SEMA5A: variants seen among roughly 807,000 people sequenced by gnomAD.
The protein encoded by SEMA5A is semaphorin-5A.
SEMA5A carries 55 observed loss-of-function variants against 135.5 expected under a neutral mutation model. The ratio of observed to expected loss-of-function variants is 0.41; its 90% CI spans 0.33 to 0.51. The LOEUF (loss-of-function observed/expected upper bound fraction) is 0.51. Among genes scored for constraint, SEMA5A ranks in the 20% least tolerant of loss-of-function variants. The pLI, the probability that SEMA5A is intolerant of heterozygous loss-of-function variation, is 0.37. For synonymous variants in SEMA5A, 580 were observed against 546.5 expected (o/e 1.06, Z -0.85); for missense variants, 1,290 against 1,419.9 (o/e 0.91, Z 1.47).
At chr5:9,504,057 A>G (rs1735732565) in intron 1 of SEMA5A, among the ~76,000 whole-genome samples, 1 of 152,006 alleles carries the variant, frequency 6.6e-6, no homozygotes, top group Non-Finnish European at 1.5e-5. Context: ...TCTAATAAAA[A>G]TACAAAAATT....
intron 8 of SEMA5A, among the ~76,000 whole-genome samples, chr5:9,203,364 T>C (rs1745827183): frequency 6.6e-6 from 1 of 152,198 alleles, no homozygotes; most frequent in Non-Finnish European, 1.5e-5. Flanking sequence ...TTGGGGCAAT[T>C]CAATTGGCCT....
At chr5:9,473,699 G>A (rs569889238) in intron 1 of SEMA5A, among the ~76,000 whole-genome samples, 1 of 152,268 alleles carries the variant, frequency 6.6e-6, no homozygotes, top group South Asian at 2.1e-4. Context: ...CTTAGGGAAC[G>A]TGGTGTGCAT....
chr5:9,228,655 C>G (rs756401826), intron 6 of SEMA5A, among the ~76,000 whole-genome samples: 2 of 152,230 alleles, frequency 1.3e-5, no homozygotes, highest in Non-Finnish European at 2.9e-5. Context: ...GAAGTCACTT[C>G]CATAACTCAG....
intron 5 of SEMA5A, among the ~76,000 whole-genome samples, chr5:9,264,080 G>A (rs1749549586): frequency 6.6e-6 from 1 of 152,196 alleles, no homozygotes. Context: ...TGTGATGAAA[G>A]ATATAAGTGA....
intron 5 of SEMA5A, among the ~76,000 whole-genome samples, chr5:9,238,715 T>G (rs989072262): frequency 6.6e-6 from 1 of 152,096 alleles, no homozygotes. Context: ...TTTTTCTCTT[T>G]TCTATCATTG....
chr5:9,479,745 T>C (rs1170085285), intron 1 of SEMA5A, among the ~76,000 whole-genome samples: 2 of 152,150 alleles, frequency 1.3e-5, no homozygotes, highest in African/African-American at 4.8e-5. Context: ...CCATCAAGAA[T>C]CATGTATACA....
intron 2 of SEMA5A, among the ~76,000 whole-genome samples, chr5:9,433,979 AGCATGTACTTCAT>A (rs1280913689): frequency 6.6e-6 from 1 of 152,212 alleles, no homozygotes; most frequent in Non-Finnish European, 1.5e-5. Context: ...TTGTTTTTGA[AGCATGTACTTCAT>A]GCACCAAATA....
chr5:9,083,168 T>G (rs532855250), intron 16 of SEMA5A, among the ~76,000 whole-genome samples: 1 of 152,246 alleles, frequency 6.6e-6, no homozygotes, highest in Non-Finnish European at 1.5e-5. Context: ...TTTCATTGTA[T>G]GCAAATATTT....
intron 5 of SEMA5A, among the ~76,000 whole-genome samples, chr5:9,255,645 CTG>C (rs1749029280): frequency 6.6e-6 from 1 of 152,318 alleles, no homozygotes; most frequent in Middle Eastern, 3.4e-3. Flanking sequence ...GCAGACTAAG[CTG>C]TGTTTCCTCC....
At chr5:9,425,088 C>T (rs1410326773) in intron 2 of SEMA5A, among the ~76,000 whole-genome samples, 2 of 152,202 alleles carry the variant, frequency 1.3e-5, no homozygotes, top group Non-Finnish European at 2.9e-5. Flanking sequence ...ATATGCTAAC[C>T]CTTACCCACC....
chr5:9,060,835 A>G (rs892313917), intron 18 of SEMA5A, among the ~76,000 whole-genome samples: 5 of 152,164 alleles, frequency 3.3e-5, no homozygotes, highest in East Asian at 1.9e-4. Context: ...ACCCAATCCA[A>G]TGAATTTTCA....
At chr5:9,264,268 A>G (rs2150523358) in intron 5 of SEMA5A, among the ~76,000 whole-genome samples, 1 of 152,300 alleles carries the variant, frequency 6.6e-6, no homozygotes, top group Admixed American at 6.5e-5. Flanking sequence ...TAGAGCTAGA[A>G]TAAAGACAGA....
intron 1 of SEMA5A, among the ~76,000 whole-genome samples, chr5:9,513,031 C>G (rs1057191203): frequency 2.0e-5 from 3 of 146,672 alleles, no homozygotes; most frequent in African/African-American, 7.5e-5. Flanking sequence ...AATGCTCTGC[C>G]TTATTTTGCT....
chr5:9,389,467 C>G (rs1364533809), intron 2 of SEMA5A, among the ~76,000 whole-genome samples: 4 of 152,212 alleles, frequency 2.6e-5, no homozygotes, highest in Non-Finnish European at 5.9e-5. Flanking sequence ...TCTTCATCAG[C>G]TGTCTCCCTT....
chr5:9,305,336 T>A (rs1259775028), intron 5 of SEMA5A, among the ~76,000 whole-genome samples: 1 of 152,194 alleles, frequency 6.6e-6, no homozygotes, highest in African/African-American at 2.4e-5. Context: ...ATTTCTTTTC[T>A]CCTTGTTTCA....
At chr5:9,459,108 C>T (rs931251758) in intron 1 of SEMA5A, among the ~76,000 whole-genome samples, 32 of 152,054 alleles carry the variant, frequency 2.1e-4, no homozygotes, top group African/African-American at 7.5e-4. Context: ...AATATCAAAT[C>T]TCAACTTTTT....
At position 9,537,828 on chromosome 5, in the gene SEMA5A, T is replaced by TA. The variant is rs1218318565; in HGVS notation, c.-175+7755dup. 9.9e-5 allele frequency among the ~76,000 whole-genome samples: 15 copies of TA among 152,238 alleles called. 1 individual carries two copies. Among genetic ancestry groups the TA allele is most frequent in the South Asian group, 8.3e-4 (4 of 4,830 alleles). On this transcript the variant is annotated intron_variant, in intron 1 of 22. Coordinates refer to ENST00000382496, the MANE Select transcript of SEMA5A (RefSeq NM_003966.3). ...TTGCCTGAAGCATCACAGGGCTGGA[T>TA]AAAAAAATACTCTATTACCAGTGGA...
At chr5:9,194,351 A>G (rs959562825) in intron 10 of SEMA5A, among the ~76,000 whole-genome samples, 3 of 152,216 alleles carry the variant, frequency 2.0e-5, no homozygotes, top group Non-Finnish European at 4.4e-5. Context: ...TTCTTCCTGA[A>G]TCCAATTCTG....
At chr5:9,142,702 C>G (rs933077569) in intron 12 of SEMA5A, among the ~76,000 whole-genome samples, 1 of 152,200 alleles carries the variant, frequency 6.6e-6, no homozygotes, top group African/African-American at 2.4e-5. Context: ...CACGGTGGCT[C>G]ATGCCTGTAA....
Sources: allele counts gnomAD v4.1 joint callset (sites outside exome capture counted in the v4.1 genomes callset), GRCh38; gene constraint gnomAD v4.1.1; transcripts MANE v1.5; gene names NCBI Gene and HGNC (gene_info 2026-07-23, HGNC 2026-07-21).